Variants in MYO18B observed in about 807,000 individuals in gnomAD.
The protein encoded by MYO18B is unconventional myosin-XVIIIb.
In MYO18B, 204 loss-of-function variants were observed where a neutral mutation model predicts 273.0. The ratio of observed to expected loss-of-function variants is 0.75; its 90% CI spans 0.67 to 0.84. The LOEUF (loss-of-function observed/expected upper bound fraction) is 0.84, where lower values mean the gene tolerates loss of function less well. Among genes scored for constraint, MYO18B ranks in the 40% least tolerant of loss-of-function variants. MYO18B has a pLI of 0.00. For synonymous variants in MYO18B, 1,330 were observed against 1,305.7 expected (o/e 1.02, Z -0.40); for missense variants, 3,212 against 3,287.6 (o/e 0.98, Z 0.56).
chr22:25,909,814 T>G (rs2092120187), intron 32 of MYO18B, among the ~76,000 whole-genome samples: 1 of 152,192 alleles, frequency 6.6e-6, no homozygotes, highest in Non-Finnish European at 1.5e-5. Flanking sequence ...CAATAGTTAG[T>G]GACCTGGGTG....
At chr22:25,914,142 GT>G (rs567814565) in intron 33 of MYO18B, among the ~76,000 whole-genome samples, 1 of 151,080 alleles carries the variant, frequency 6.6e-6, no homozygotes, top group South Asian at 2.1e-4. Context: ...GGCTCATTGG[GT>G]TTTTTTTTGT....
intron 12 of MYO18B, among the ~76,000 whole-genome samples, chr22:25,801,838 C>T (rs910519): frequency 0.92 from 140,015 of 152,194 alleles, 65,146 homozygotes; most frequent in Non-Finnish European, 0.99. Context: ...GAGAGTTTCA[C>T]GCATATTCCT....
chr22:25,860,990 G>C (rs1013335002), intron 21 of MYO18B, among the ~76,000 whole-genome samples: 1 of 151,992 alleles, frequency 6.6e-6, no homozygotes, highest in Admixed American at 6.5e-5. Flanking sequence ...CTGGGCTCAA[G>C]CGATCCTCCT....
intron 39 of MYO18B, chr22:25,959,429 T>A (rs983774274): frequency 2.0e-5 from 3 of 152,132 alleles, no homozygotes; most frequent in African/African-American, 7.2e-5. Context: ...CATACCATTG[T>A]GCCTGGCTAA....
At chr22:25,905,446 C>T (rs1477754572) in intron 31 of MYO18B, among the ~76,000 whole-genome samples, 2 of 152,150 alleles carry the variant, frequency 1.3e-5, no homozygotes, top group Admixed American at 6.5e-5. Flanking sequence ...AGTTTATAGT[C>T]ATGCTTAGTG....
In MYO18B at chr22:25,876,285, C is replaced by A; in HGVS notation, c.4177C>A (p.Pro1393Thr). Residue 1393 changes from proline (P) to threonine (T), a missense_variant, in exon 24 of 44, where the codon CCT becomes ACT. Coordinates refer to ENST00000335473, the MANE Select transcript of MYO18B (RefSeq NM_032608.7). ...PWWQLLGSLQ[P>T]LLSATIGTEQ... ...GTGGCAGCTGCTTGGTTCCCTCCAG[C>A]CTCTACTTAGTGCCACCATTGGAAC... 6.2e-7 allele frequency: 1 copy of A among 1,613,508 alleles called. No homozygotes were observed. Among genetic ancestry groups the A allele is most frequent in the Non-Finnish European group, 8.5e-7 (1 of 1,179,694 alleles).
chr22:25,845,021 C>T (rs987427262), intron 18 of MYO18B, among the ~76,000 whole-genome samples: 3 of 152,178 alleles, frequency 2.0e-5, no homozygotes, highest in Non-Finnish European at 2.9e-5. Flanking sequence ...TGTTCAGATT[C>T]CGTTTTTCCC....
chr22:25,761,398 G>A (rs1026100643), intron 2 of MYO18B, among the ~76,000 whole-genome samples: 9 of 152,066 alleles, frequency 5.9e-5, no homozygotes, highest in African/African-American at 1.4e-4. Flanking sequence ...TGGTGGTGGT[G>A]GGGGGTGGTA....
chr22:26,003,628 G>A (rs1331533706), intron 41 of MYO18B, among the ~76,000 whole-genome samples: 1 of 152,080 alleles, frequency 6.6e-6, no homozygotes, highest in East Asian at 1.9e-4. Flanking sequence ...CCCTCCAACT[G>A]TGATTTCTGG....
chr22:25,747,070 C>T (rs574608652), intron 1 of MYO18B, among the ~76,000 whole-genome samples: 9 of 152,156 alleles, frequency 5.9e-5, no homozygotes, highest in South Asian at 4.2e-4. Flanking sequence ...TGCAGTGAGC[C>T]GAGATGGCAC....
At chr22:25,898,264 C>T (rs1238293053) in intron 28 of MYO18B, 43 bp from the exon 29 acceptor site, 1 of 1,585,586 alleles carries the variant, frequency 6.3e-7, no homozygotes, top group East Asian at 2.2e-5. Context: ...AAAGCTCGTT[C>T]CATGCCCACA....
chr22:25,798,684 T>C (rs1203140592), intron 12 of MYO18B, among the ~76,000 whole-genome samples: 1 of 152,120 alleles, frequency 6.6e-6, no homozygotes, highest in Non-Finnish European at 1.5e-5. Context: ...CTCAGCCTCC[T>C]GAGTAGCTGG....
At chr22:25,915,377 C>T (rs111972194) in intron 33 of MYO18B, among the ~76,000 whole-genome samples, 4 of 152,296 alleles carry the variant, frequency 2.6e-5, no homozygotes, top group African/African-American at 9.6e-5. Context: ...TCTATTGCTC[C>T]TGGGCTACAG....
chr22:26,039,025 G>A, the MYO18B span, among the ~76,000 whole-genome samples: 1 of 152,172 alleles, frequency 6.6e-6, no homozygotes, highest in Admixed American at 6.5e-5. Context: ...AATATCTCTT[G>A]GAGTCTGATA....
intron 11 of MYO18B, among the ~76,000 whole-genome samples, chr22:25,797,537 A>AT (rs1328519918): frequency 1.3e-5 from 2 of 152,122 alleles, no homozygotes; most frequent in Non-Finnish European, 2.9e-5. Flanking sequence ...TGGCCTATGT[A>AT]TCAACCTGTA....
At position 25,992,057 on chromosome 22, in the gene MYO18B, G is replaced by A. The variant is rs543453169; in HGVS notation, c.6157-306G>A. On this transcript the variant is annotated intron_variant, in intron 39 of 43. Coordinates refer to ENST00000335473, the MANE Select transcript of MYO18B (RefSeq NM_032608.7). The stretch of plus-strand genomic sequence containing the variant: ...AAGATGGGCTGAGTATCCACTGTGC[G>A]TGGTGGTGCAGATTCAGAGCATGGC... Among the ~76,000 whole-genome samples the A allele has an allele frequency of 5.9e-5, 9 of 152,324 alleles. No individual in the cohort carries two copies. In the South Asian group the frequency reaches 6.2e-4, roughly 11 times the overall value.
At chr22:25,811,313 G>A (rs561675248) in intron 12 of MYO18B, among the ~76,000 whole-genome samples, 4 of 151,990 alleles carry the variant, frequency 2.6e-5, no homozygotes, top group Non-Finnish European at 5.9e-5. Context: ...ATGAGCCACC[G>A]CGCCAGGCTT....
chr22:25,869,418 C>T (rs976144199), intron 22 of MYO18B, among the ~76,000 whole-genome samples: 3 of 133,136 alleles, frequency 2.3e-5, no homozygotes, highest in African/African-American at 8.6e-5. Flanking sequence ...CCACTGTACT[C>T]CAGCCTGGGC....
chr22:26,043,286 CATCTT>C, the MYO18B span, among the ~76,000 whole-genome samples: 19 of 152,096 alleles, frequency 1.2e-4, no homozygotes, highest in Non-Finnish European at 2.4e-4. Flanking sequence ...ATACCACAGT[CATCTT>C]ATTTATTTTC....
Sources: allele counts gnomAD v4.1 joint callset (sites outside exome capture counted in the v4.1 genomes callset), GRCh38; gene constraint gnomAD v4.1.1; transcripts MANE v1.5; gene names NCBI Gene and HGNC (gene_info 2026-07-23, HGNC 2026-07-21).